The following MAP4K1 variants were observed in gnomAD, a reference collection of about 807,000 sequenced individuals.
MAP4K1 encodes mitogen-activated protein kinase kinase kinase kinase 1, also known as MAPK/ERK kinase kinase kinase 1.
Under a neutral mutation model 122.8 loss-of-function variants are expected in MAP4K1, and 35 were observed. The ratio of observed to expected loss-of-function variants is 0.29; its 90% confidence interval spans 0.22 to 0.38. The LOEUF (loss-of-function observed/expected upper bound fraction) is 0.38. MAP4K1 is among the 10% of genes least tolerant of loss of function. MAP4K1 has a pLI of 1.00. For missense variants in MAP4K1, 791 were observed against 1,072.6 expected (o/e 0.74, Z 3.67); for synonymous variants, 412 against 421.3 (o/e 0.98, Z 0.27).
At chr19:38,602,431 CATAT>C (rs113779019) in intron 19 of MAP4K1, among the ~76,000 whole-genome samples, 5 of 143,000 alleles carry the variant, frequency 3.5e-5, no homozygotes, top group South Asian at 2.3e-4. Context: ...CACACACACA[CATAT>C]ATATACACAC....
rs920729189 is a variant in MAP4K1, at chr19:38,601,347, G to T, written c.1531+94C>A. The T allele has an allele frequency of 5.2e-6, 6 of 1,149,440 alleles. No individual in the cohort carries two copies. In the African/African-American group the frequency reaches 9.3e-5, roughly 18 times the overall value. The allele number at this position is 1,149,440 out of a possible 1,614,324, so 71.2% of individuals were successfully genotyped here. A position where few individuals can be genotyped will look rare whatever the true frequency, so the allele number is the denominator to read the frequency against. On this transcript the variant is annotated intron_variant, in intron 20 of 30. Coordinates refer to ENST00000396857, the MANE Select transcript of MAP4K1 (RefSeq NM_001042600.3). The stretch of plus-strand genomic sequence containing the variant: ...CCCCAACTCCATTAAGCTCCTCCCC[G>T]TCCCTGCCTTTGTGCCTTCCTTAGG...
Position 38,614,131 on chromosome 19 carries a change from C to A in MAP4K1, c.418-46G>T, listed in dbSNP as rs199690680. 42 of 1,612,452 alleles carry A rather than the reference C, an allele frequency of 2.6e-5. No individual in the cohort carries two copies. The East Asian group carries it at 8.9e-4, about 34-fold the overall frequency. On this transcript the variant is annotated intron_variant, in intron 6 of 30. Coordinates refer to ENST00000396857, the MANE Select transcript of MAP4K1 (RefSeq NM_001042600.3). ...GGGAGGCTGCAGAGACTCTCCCCAG[C>A]CCAGTGCTAGCCCACTCCGCCAGCT...
At chr19:38,595,822 G>A in intron 27 of MAP4K1, 93 bp from the exon 28 acceptor site, 1 of 1,493,750 alleles carries the variant, frequency 6.7e-7, no homozygotes, top group Non-Finnish European at 9.3e-7. Flanking sequence ...AGCTATGTAG[G>A]ACAGGGGCAA....
At chr19:38,599,846 TGC>T in intron 22 of MAP4K1, 77 bp downstream of exon 22, 1 of 1,357,972 alleles carries the variant, frequency 7.4e-7, no homozygotes. Flanking sequence ...TTTTCAGCTG[TGC>T]CCGTCTACTT....
Position 38,608,044 on chromosome 19 carries a change from G to A in MAP4K1, c.1066-11C>T, listed in dbSNP as rs1472329311. 6.3e-7 allele frequency: 1 copy of A among 1,593,308 alleles called. No individual in the cohort carries two copies. The highest frequency in any genetic ancestry group is 8.6e-7 in the Non-Finnish European group (1 of 1,168,072). ...AGGCTGTAGGCGAGCCTGTGGGGTA[G>A]GAAAAGGGTCAGCAGTGGCCTCAGG... On this transcript the variant is annotated splice_polypyrimidine_tract_variant and intron_variant, in intron 14 of 30. Transcript: ENST00000396857.
In MAP4K1 at chr19:38,612,660, T is replaced by C. The variant is rs886102097; in HGVS notation, c.616A>G (p.Ile206Val). Residue 206 changes from isoleucine (I) to valine (V), a missense_variant, in exon 9 of 31, where the codon ATC becomes GTC. This residue lies in a region of MAP4K1 where 163 missense variants were observed against 286.1 expected (regional missense o/e 0.57). Transcript: ENST00000396857. Reference protein sequence around the residue: ...CDIWSLGITAIELAELQPPLF... With the variant: ...CDIWSLGITAVELAELQPPLF... ...GGTGGCTGTAGCTCGGCCAGTTCGA[T>C]GGCCGTGATGCCCAGGGACCAGATG... 1 of 1,613,590 alleles carries C rather than the reference T, an allele frequency of 6.2e-7. No individual in the cohort carries two copies. Among genetic ancestry groups the C allele is most frequent in the South Asian group, 1.1e-5 (1 of 91,070 alleles).
In MAP4K1 at chr19:38,611,233, T is replaced by A. The variant is rs770087903; in HGVS notation, c.728+10A>T. 9.3e-6 allele frequency: 15 copies of A among 1,612,150 alleles called. No homozygotes were observed. In the Admixed American group the frequency reaches 2.5e-4, roughly 27 times the overall value. ...CCTCTCTCACCCTCCCTCCTGTTAC[T>A]CTCTCGTACCATTTGCCTTTTTCCT... On this transcript the variant is annotated intron_variant, in intron 10 of 30. Transcript: ENST00000396857.
At chr19:38,603,572 C>T (rs568849164) in intron 19 of MAP4K1, among the ~76,000 whole-genome samples, 106 of 152,178 alleles carry the variant, frequency 7.0e-4, no homozygotes, top group African/African-American at 2.3e-3. Context: ...CAACCAGGCA[C>T]GGCTGTAATC....
chr19:38,592,815 GC>G (rs1354035824), intron 30 of MAP4K1, among the ~76,000 whole-genome samples: 1 of 151,890 alleles, frequency 6.6e-6, no homozygotes, highest in Non-Finnish European at 1.5e-5. Context: ...TACTTGGGAG[GC>G]TGAGGCAAGA....
rs1022967825 is a variant in MAP4K1, at chr19:38,614,691, T to C, written c.314-246A>G. ...ATCCCAGCACTTTGGGAGGCCAAGG[T>C]GGGTGGATCACTTGAGGTCAGGAGT... On this transcript the variant is annotated intron_variant, in intron 4 of 30. Transcript: ENST00000396857. 9.3e-6 allele frequency: 5 copies of C among 539,966 alleles called. No individual in the cohort carries two copies. The Admixed American group carries it at 1.3e-4, about 14-fold the overall frequency. 33.4% of individuals were successfully genotyped at this position (539,966 alleles called of 1,614,324 possible). A position where few individuals can be genotyped will look rare whatever the true frequency, so the allele number is the denominator to read the frequency against.
Position 38,603,123 on chromosome 19 carries a change from TATATACGC to T in MAP4K1, c.1447-1606_1447-1599del, listed in dbSNP as rs569647291. Reference sequence around the variant, plus strand: ...ACATGTACATATATACACATGTACATATATACGCATATACATATATACACACATATACA... The same window carrying T: ...ACATGTACATATATACACATGTACATATATACATATATACACACATATACA... On this transcript the variant is annotated intron_variant, in intron 19 of 30. Transcript: ENST00000396857. Among the ~76,000 whole-genome samples the T allele has an allele frequency of 7.2e-4, 84 of 116,006 alleles. 7 individuals carry two copies. Among genetic ancestry groups the T allele is most frequent in the African/African-American group, 2.2e-3 (69 of 30,900 alleles). The allele number at this position is 116,006 out of a possible 152,430, so 76.1% of individuals were successfully genotyped here.
intron 19 of MAP4K1, among the ~76,000 whole-genome samples, chr19:38,602,932 A>AT (rs1975156741): frequency 6.8e-6 from 1 of 147,334 alleles, no homozygotes; most frequent in African/African-American, 2.5e-5. Context: ...ACGCATATAC[A>AT]TATATACACA....
intron 17 of MAP4K1, among the ~76,000 whole-genome samples, 195 bp from the exon 18 acceptor site, chr19:38,605,925 T>G (rs997399634): frequency 6.7e-6 from 1 of 148,684 alleles, no homozygotes; most frequent in Non-Finnish European, 1.5e-5. Flanking sequence ...CAGAAACTAA[T>G]GGGTTAATGC....
rs145271856 is a variant in MAP4K1, at chr19:38,615,688, C to T, written c.313+507G>A. On this transcript the variant is annotated intron_variant, in intron 4 of 30. Transcript: ENST00000396857. The stretch of plus-strand genomic sequence containing the variant: ...TTCCCTCCTGAGGACTTCTCAATGA[C>T]GTCCTTCCTTTTCTAACATTTGAGG... 5.5e-3 allele frequency among the ~76,000 whole-genome samples: 843 copies of T among 152,222 alleles called. 12 individuals are homozygous for T. Among genetic ancestry groups the T allele is most frequent in the African/African-American group, 0.019 (799 of 41,518 alleles).
At position 38,591,526 on chromosome 19, in the gene MAP4K1, C is replaced by CA. The variant is rs5828010; in HGVS notation, c.2396+1755dup. The stretch of plus-strand genomic sequence containing the variant: ...TGGGCCACACAGCAAGACTCCATCT[C>CA]AAAAAAAAAAAAAAAAAAAGATCTG... On this transcript the variant is annotated intron_variant, in intron 30 of 30. Transcript: ENST00000396857. Among the ~76,000 whole-genome samples the CA allele has an allele frequency of 8.4e-3, 554 of 66,018 alleles. 10 individuals are homozygous for CA. The highest frequency in any genetic ancestry group is 0.035 in the Admixed American group (251 of 7,130). 43.3% of individuals were successfully genotyped at this position (66,018 alleles called of 152,430 possible).
chr19:38,602,850 A>G lies in MAP4K1; in HGVS notation c.1447-1325T>C, dbSNP rs146537373. ...CATATATACGCATATACATATATACACATATACATATATACACATGTACAT... is the reference window on the plus strand; with the variant it reads ...CATATATACGCATATACATATATACGCATATACATATATACACATGTACAT... On this transcript the variant is annotated intron_variant, in intron 19 of 30. Coordinates refer to ENST00000396857, the MANE Select transcript of MAP4K1 (RefSeq NM_001042600.3). Among the ~76,000 whole-genome samples, 583 of 147,614 alleles carry G rather than the reference A, an allele frequency of 3.9e-3. 1 individual carries two copies. The highest frequency in any genetic ancestry group is 6.6e-3 in the Non-Finnish European group (438 of 66,844).
chr19:38,614,542 T>C (rs373748114), intron 4 of MAP4K1, 97 bp from the exon 5 acceptor site: 12 of 1,334,790 alleles, frequency 9.0e-6, no homozygotes, highest in East Asian at 6.9e-5. Flanking sequence ...GAGGGTGCCA[T>C]AGGGAGAGGG....
rs561154550 is a variant in MAP4K1, at chr19:38,602,439, T to C, written c.1447-914A>G. Among the ~76,000 whole-genome samples, 4 of 146,446 alleles carry C rather than the reference T, an allele frequency of 2.7e-5. No individual in the cohort carries two copies. In the East Asian group the frequency reaches 5.8e-4, roughly 21 times the overall value. On this transcript the variant is annotated intron_variant, in intron 19 of 30. Coordinates refer to ENST00000396857, the MANE Select transcript of MAP4K1 (RefSeq NM_001042600.3). ...ACACACACACACACACACATATATA[T>C]ACACACACACATACATATATACACA... is the stretch of plus-strand genomic sequence containing the variant.
intron 29 of MAP4K1, 97 bp downstream of exon 29, chr19:38,595,388 C>G: frequency 8.2e-7 from 1 of 1,224,616 alleles, no homozygotes; most frequent in Non-Finnish European, 1.2e-6. Context: ...CCCTCCAGGA[C>G]TTCACACTCT....
Sources: allele counts gnomAD v4.1 joint callset (sites outside exome capture counted in the v4.1 genomes callset), GRCh38; gene constraint gnomAD v4.1.1; regional missense constraint gnomAD v4.1.1; transcripts MANE v1.5; gene names NCBI Gene and HGNC (gene_info 2026-07-23, HGNC 2026-07-21).